LMNTD1: variants seen among roughly 807,000 people sequenced by gnomAD.
LMNTD1 encodes lamin tail domain containing 1.
In LMNTD1, 35 loss-of-function variants were observed where a neutral mutation model predicts 50.9. That is an observed-to-expected ratio of 0.69 (90% CI 0.53 to 0.91). The LOEUF (loss-of-function observed/expected upper bound fraction) is 0.91. Among genes scored for constraint, LMNTD1 ranks in the 40% least tolerant of loss-of-function variants. The pLI is 0.00. For missense variants in LMNTD1, 470 were observed against 475.5 expected (o/e 0.99, Z 0.11); for synonymous variants, 153 against 161.9 (o/e 0.94, Z 0.42).
At chr12:25,611,022 G>C (rs1946229496) in intron 1 of LMNTD1, among the ~76,000 whole-genome samples, 1 of 152,122 alleles carries the variant, frequency 6.6e-6, no homozygotes, top group South Asian at 2.1e-4. Context: ...CTATTTCTAG[G>C]CGCACAGAGG....
At chr12:25,530,294 T>C (rs753021813) in intron 4 of LMNTD1, among the ~76,000 whole-genome samples, 1 of 152,228 alleles carries the variant, frequency 6.6e-6, no homozygotes, top group Non-Finnish European at 1.5e-5. Context: ...TCTTATGGTA[T>C]AGTTTACATT....
intron 6 of LMNTD1, 27 bp from the exon 7 acceptor site, chr12:25,520,102 G>C (rs760116433): frequency 2.9e-6 from 4 of 1,395,030 alleles, no homozygotes; most frequent in Non-Finnish European, 3.9e-6. Flanking sequence ...ATTAATGTTG[G>C]CTATGTATAT....
intron 4 of LMNTD1, among the ~76,000 whole-genome samples, chr12:25,543,762 C>G (rs532658450): frequency 1.7e-4 from 25 of 150,784 alleles, no homozygotes; most frequent in Middle Eastern, 3.4e-3. Context: ...TTTTTTGTGT[C>G]CCAGAGATTT....
chr12:25,584,556 G>GTCCAGAAC (rs1246181354), intron 1 of LMNTD1, among the ~76,000 whole-genome samples: 3 of 152,178 alleles, frequency 2.0e-5, no homozygotes, highest in South Asian at 4.1e-4. Flanking sequence ...GCCAGCTCTA[G>GTCCAGAAC]TCCAGAACTC....
At chr12:25,565,273 C>G (rs904559639) in intron 1 of LMNTD1, among the ~76,000 whole-genome samples, 4 of 151,678 alleles carry the variant, frequency 2.6e-5, no homozygotes, top group African/African-American at 4.8e-5. Flanking sequence ...TTCTTTCTGT[C>G]TTCCTTTTAG....
chr12:25,519,423 A>G lies in LMNTD1; in HGVS notation c.1016+435T>C, dbSNP rs535096107. ...AACACGGTGAAACCCCGTCTCTACT[A>G]AAAATACAAAAAAAATTAGCCGGGC... is the stretch of plus-strand genomic sequence containing the variant. On this transcript the variant is annotated intron_variant, in intron 7 of 9. Transcript: ENST00000458174. Among the ~76,000 whole-genome samples the G allele has an allele frequency of 2.0e-3, 302 of 151,220 alleles. 1 individual carries two copies. Among genetic ancestry groups the G allele is most frequent in the Middle Eastern group, 6.9e-3 (2 of 290 alleles).
At chr12:25,644,367 C>A (rs1289414326) in intron 1 of LMNTD1, among the ~76,000 whole-genome samples, 1 of 147,942 alleles carries the variant, frequency 6.8e-6, no homozygotes, top group East Asian at 2.0e-4. Context: ...TGCCTGTGGT[C>A]TCAGCTACTC....
At chr12:25,536,706 C>A (rs1417495281) in intron 4 of LMNTD1, among the ~76,000 whole-genome samples, 2 of 123,002 alleles carry the variant, frequency 1.6e-5, no homozygotes, top group African/African-American at 5.9e-5. Flanking sequence ...GCAAATAAAG[C>A]CCAAAGTAGG....
intron 8 of LMNTD1, among the ~76,000 whole-genome samples, chr12:25,506,198 G>A (rs371310183): frequency 3.9e-5 from 6 of 152,178 alleles, no homozygotes; most frequent in Admixed American, 6.5e-5. Context: ...TCATTCCTGC[G>A]TAAGGTTATC....
At chr12:25,622,825 A>T (rs925216160) in intron 1 of LMNTD1, among the ~76,000 whole-genome samples, 7 of 152,082 alleles carry the variant, frequency 4.6e-5, no homozygotes, top group Non-Finnish European at 8.8e-5. Context: ...TAGGTAAAAT[A>T]GATGTTTGAA....
At chr12:25,558,080 A>G (rs1440229810), upstream of LMNTD1, among the ~76,000 whole-genome samples, 1 of 152,220 alleles carries the variant, frequency 6.6e-6, no homozygotes, top group African/African-American at 2.4e-5. Flanking sequence ...TTAACCTATG[A>G]GAGGAGCACT....
intron 1 of LMNTD1, among the ~76,000 whole-genome samples, chr12:25,600,360 G>A (rs904260558): frequency 6.6e-6 from 1 of 151,996 alleles, no homozygotes; most frequent in Non-Finnish European, 1.5e-5. Flanking sequence ...AGAAAACGTT[G>A]AGGAAATTCT....
At chr12:25,527,673 TATATATATACACACACACACACAC>T (rs1195109729) in intron 4 of LMNTD1, among the ~76,000 whole-genome samples, 7 of 21,462 alleles carry the variant, frequency 3.3e-4, no homozygotes, top group Non-Finnish European at 1.2e-4. Context: ...TATATATATA[TATATATATACACACACACACACAC>T]ACACACACAC....
At chr12:25,620,952 G>C (rs1028754083) in intron 1 of LMNTD1, among the ~76,000 whole-genome samples, 4 of 152,166 alleles carry the variant, frequency 2.6e-5, no homozygotes, top group East Asian at 1.9e-4. Context: ...AGCAATCAAG[G>C]CTTCAGTAAC....
intron 1 of LMNTD1, among the ~76,000 whole-genome samples, chr12:25,642,820 C>T (rs911778457): frequency 1.1e-4 from 16 of 152,204 alleles, no homozygotes; most frequent in Admixed American, 7.2e-4. Context: ...GGATTAACTT[C>T]ACTCTGGTGC....
chr12:25,494,592 T>C (rs1396772571), intron 9 of LMNTD1, among the ~76,000 whole-genome samples: 5 of 152,144 alleles, frequency 3.3e-5, no homozygotes, highest in Middle Eastern at 3.2e-3. Context: ...TAAATTTATA[T>C]AGATATATTT....
chr12:25,525,157 G>T (rs1189521336), intron 6 of LMNTD1, among the ~76,000 whole-genome samples: 1 of 152,110 alleles, frequency 6.6e-6, no homozygotes, highest in Non-Finnish European at 1.5e-5. Context: ...GTTGTAAAAA[G>T]AAATACCTTT....
chr12:25,494,824 T>G (rs1213729784), intron 9 of LMNTD1, among the ~76,000 whole-genome samples: 1 of 152,186 alleles, frequency 6.6e-6, no homozygotes, highest in Non-Finnish European at 1.5e-5. Context: ...ACATTTATGC[T>G]CACATACTTA....
intron 8 of LMNTD1, among the ~76,000 whole-genome samples, chr12:25,506,368 A>G (rs980701518): frequency 6.6e-6 from 1 of 152,244 alleles, no homozygotes; most frequent in Non-Finnish European, 1.5e-5. Context: ...ATTCCACTGC[A>G]GTATATGAGA....
Sources: gnomAD v4.1 joint callset for allele counts (sites outside exome capture counted in the v4.1 genomes callset) on GRCh38, gnomAD v4.1.1 for gene constraint, MANE v1.5 for transcripts, NCBI Gene and HGNC (gene_info 2026-07-23, HGNC 2026-07-21) for gene names.